Variants in RHOJ observed in about 807,000 individuals in gnomAD.
RHOJ encodes rho-related GTP-binding protein RhoJ.
Under a neutral mutation model 23.4 loss-of-function variants are expected in RHOJ, and 11 were observed. That is an observed-to-expected ratio of 0.47 (90% CI 0.30 to 0.78). RHOJ has a LOEUF of 0.78. Among genes scored for constraint, RHOJ ranks in the 30% least tolerant of loss-of-function variants. The pLI is 0.08. For missense variants in RHOJ, 254 were observed against 273.4 expected (o/e 0.93, Z 0.50); for synonymous variants, 102 against 102.7 (o/e 0.99, Z 0.04).
At chr14:63,276,084 A>C (rs1176742275) in intron 2 of RHOJ, among the ~76,000 whole-genome samples, 1 of 152,188 alleles carries the variant, frequency 6.6e-6, no homozygotes, top group African/African-American at 2.4e-5. Flanking sequence ...TTAAACCATA[A>C]AACTGGCTCA....
chr14:63,275,200 C>T lies in RHOJ; in HGVS notation c.238-5771C>T, dbSNP rs558591168. 7.2e-5 allele frequency among the ~76,000 whole-genome samples: 11 copies of T among 152,152 alleles called. No individual in the cohort carries two copies. In the South Asian group the frequency reaches 2.1e-3, roughly 29 times the overall value. ...CAGGCGTGGTGTGCATACCTGTAGT[C>T]CCAGCTACTTGGGAGGCTGGAGAAA... On this transcript the variant is annotated intron_variant, in intron 2 of 4. Coordinates refer to ENST00000316754, the MANE Select transcript of RHOJ (RefSeq NM_020663.5).
intron 1 of RHOJ, among the ~76,000 whole-genome samples, chr14:63,261,432 T>C (rs1221402868): frequency 6.6e-6 from 1 of 150,996 alleles, no homozygotes; most frequent in Non-Finnish European, 1.5e-5. Context: ...TTTTTTCTTT[T>C]TTTTCCTTTT....
At chr14:63,288,290 G>A (rs747279985) in intron 4 of RHOJ, 640 of 985,294 alleles carry the variant, frequency 6.5e-4, no homozygotes, top group Non-Finnish European at 7.5e-4. Context: ...AGGATGGGGA[G>A]TGCCCTGCCC....
chr14:63,207,693 A>T (rs1007090026), intron 1 of RHOJ, among the ~76,000 whole-genome samples: 19 of 152,358 alleles, frequency 1.2e-4, no homozygotes, highest in African/African-American at 4.6e-4. Context: ...CAAGATGGTG[A>T]TCTCTGAAGT....
At chr14:63,213,149 T>C (rs982029200) in intron 1 of RHOJ, among the ~76,000 whole-genome samples, 19 of 152,358 alleles carry the variant, frequency 1.2e-4, no homozygotes, top group African/African-American at 4.3e-4. Flanking sequence ...ACATGTATTT[T>C]AGATTTAGAG....
At chr14:63,209,726 T>C (rs1894191325) in intron 1 of RHOJ, among the ~76,000 whole-genome samples, 1 of 152,218 alleles carries the variant, frequency 6.6e-6, no homozygotes, top group Non-Finnish European at 1.5e-5. Context: ...AATGAATTAC[T>C]ATGTCTTTGC....
At chr14:63,234,577 G>A (rs1292378337) in intron 1 of RHOJ, among the ~76,000 whole-genome samples, 1 of 152,164 alleles carries the variant, frequency 6.6e-6, no homozygotes, top group Non-Finnish European at 1.5e-5. Flanking sequence ...ATGCCATTTT[G>A]TGGTTGTTCA....
At chr14:63,253,762 T>A (rs1895113718) in intron 1 of RHOJ, among the ~76,000 whole-genome samples, 1 of 152,186 alleles carries the variant, frequency 6.6e-6, no homozygotes, top group Non-Finnish European at 1.5e-5. Flanking sequence ...TGCAGCACAG[T>A]CTAAAAGAGA....
chr14:63,221,098 G>A (rs1362170685), intron 1 of RHOJ, among the ~76,000 whole-genome samples: 1 of 152,148 alleles, frequency 6.6e-6, no homozygotes. Context: ...GGAGTCGAAG[G>A]CAGAGAGATT....
intron 2 of RHOJ, among the ~76,000 whole-genome samples, chr14:63,274,947 G>A (rs1198654490): frequency 6.6e-6 from 1 of 152,196 alleles, no homozygotes; most frequent in Non-Finnish European, 1.5e-5. Flanking sequence ...CTTGGAAGCA[G>A]AATTCTATTT....
intron 2 of RHOJ, among the ~76,000 whole-genome samples, chr14:63,278,901 G>A (rs975860006): frequency 2.8e-4 from 43 of 152,254 alleles, no homozygotes; most frequent in Non-Finnish European, 2.2e-4. Context: ...TGGGAGTATC[G>A]CTTGAGCCCG....
chr14:63,288,915 C>T (rs1218108157), intron 4 of RHOJ, among the ~76,000 whole-genome samples: 1 of 152,172 alleles, frequency 6.6e-6, no homozygotes, highest in African/African-American at 2.4e-5. Flanking sequence ...CATTAACTGT[C>T]AACTTGACCA....
intron 1 of RHOJ, among the ~76,000 whole-genome samples, chr14:63,260,133 T>C (rs1397668009): frequency 6.6e-6 from 1 of 152,268 alleles, no homozygotes; most frequent in African/African-American, 2.4e-5. Context: ...CCTAATTTAC[T>C]ATGTTGTCTT....
intron 1 of RHOJ, among the ~76,000 whole-genome samples, chr14:63,224,241 C>T (rs1473494586): frequency 6.6e-6 from 1 of 152,148 alleles, no homozygotes; most frequent in Non-Finnish European, 1.5e-5. Flanking sequence ...CCAAAGACAT[C>T]CTCTTTCCCC....
intron 1 of RHOJ, among the ~76,000 whole-genome samples, chr14:63,250,206 T>C (rs1429806396): frequency 3.3e-5 from 5 of 152,128 alleles, no homozygotes; most frequent in South Asian, 4.1e-4. Context: ...ACTCCCCTCA[T>C]TCACTACACT....
In RHOJ at chr14:63,205,026, A is replaced by G; in HGVS notation, c.157A>G (p.Thr53Ala). 6.2e-7 allele frequency: 1 copy of G among 1,614,094 alleles called. No homozygotes were observed. The highest frequency in any genetic ancestry group is 1.1e-5 in the South Asian group (1 of 91,066). Residue 53 changes from threonine to alanine, a missense_variant, in exon 1 of 5, where the codon ACT becomes GCT. Physicochemically the swap from Thr to Ala is moderately conservative, Grantham distance 58. Coordinates refer to ENST00000316754, the MANE Select transcript of RHOJ (RefSeq NM_020663.5). ...CGCCTTCCCAGAGGAATACGTGCCC[A>G]CTGTGTTTGACCACTATGCAGGTAA... Reference protein sequence around the residue: ...NDAFPEEYVPTVFDHYAVTVT... With the variant: ...NDAFPEEYVPAVFDHYAVTVT...
rs1198982028 is a variant in RHOJ, at chr14:63,292,768, G to C, written c.*1744G>C. 1 of 151,976 alleles carries C rather than the reference G, an allele frequency of 6.6e-6. No individual in the cohort carries two copies. The highest frequency in any genetic ancestry group is 1.9e-4 in the East Asian group (1 of 5,178). The allele number at this position is 151,976 out of a possible 1,614,324, so 9.4% of individuals were successfully genotyped here. ...GTTCAAGACCAGCCTGGGTAATATA[G>C]TGAGATCCTGTGTCTCTATAAAAAA... On this transcript the variant is annotated 3_prime_UTR_variant, in exon 5 of 5. Transcript: ENST00000316754.
At chr14:63,280,343 TAGA>T (rs1881858449) in intron 2 of RHOJ, among the ~76,000 whole-genome samples, 1 of 152,088 alleles carries the variant, frequency 6.6e-6, no homozygotes, top group African/African-American at 2.4e-5. Context: ...TTTGAATACA[TAGA>T]AACAGAGAGT....
intron 1 of RHOJ, among the ~76,000 whole-genome samples, chr14:63,256,307 C>T (rs1256329728): frequency 6.6e-6 from 1 of 152,092 alleles, no homozygotes; most frequent in Non-Finnish European, 1.5e-5. Context: ...TAAAAATATT[C>T]TTTTATTTAT....
Sources: allele counts gnomAD v4.1 joint callset (sites outside exome capture counted in the v4.1 genomes callset), GRCh38; gene constraint gnomAD v4.1.1; transcripts MANE v1.5; gene names NCBI Gene and HGNC (gene_info 2026-07-23, HGNC 2026-07-21).